Variants in CHN2 observed in about 807,000 individuals in gnomAD.
CHN2 encodes beta-chimaerin.
In CHN2, 35 loss-of-function variants were observed where a neutral mutation model predicts 56.3. That is an observed-to-expected ratio of 0.62 (90% CI 0.47 to 0.82). The LOEUF is 0.82. CHN2 is among the 40% of genes least tolerant of loss of function. The probability of loss-of-function intolerance (pLI) is 0.00; values close to 1 mark genes in which losing one functional copy is unlikely to be tolerated. For synonymous variants in CHN2, 210 were observed against 212.8 expected, an observed-to-expected ratio of 0.99 and a Z score of 0.12; for missense variants, 491 against 580.5, an observed-to-expected ratio of 0.85 and a Z score of 1.58.
intron 7 of CHN2, among the ~76,000 whole-genome samples, chr7:29,481,192 G>A (rs1787181630): frequency 6.6e-6 from 1 of 152,214 alleles, no homozygotes; most frequent in Admixed American, 6.5e-5. Context: ...ACCCCAAAAA[G>A]TGAGCTGGCA....
intron 7 of CHN2, among the ~76,000 whole-genome samples, chr7:29,489,173 TTTGCAAAGTAGCCA>T (rs2128557302): frequency 6.6e-6 from 1 of 152,336 alleles, no homozygotes; most frequent in South Asian, 2.1e-4. Flanking sequence ...TGCTCTTGTT[TTTGCAAAGTAGCCA>T]TTCCTGGGCC....
chr7:29,301,527 C>G (rs1793662233), intron 1 of CHN2, among the ~76,000 whole-genome samples: 1 of 152,140 alleles, frequency 6.6e-6, no homozygotes, highest in African/African-American at 2.4e-5. Context: ...TGCCTCTTAT[C>G]CTTTTCTGAA....
chr7:29,479,955 A>G, intron 6 of CHN2: 1 of 1,449,866 alleles, frequency 6.9e-7, no homozygotes, highest in Admixed American at 2.7e-5. Flanking sequence ...CATCACTCAA[A>G]CTGGGCCTTT....
At chr7:29,232,237 G>C (rs1388291158) in intron 1 of CHN2, among the ~76,000 whole-genome samples, 2 of 152,138 alleles carry the variant, frequency 1.3e-5, no homozygotes, top group African/African-American at 2.4e-5. Flanking sequence ...GTCAGAATTA[G>C]AGTGAAATGA....
chr7:29,266,263 C>A (rs1297669812), intron 1 of CHN2, among the ~76,000 whole-genome samples: 1 of 152,212 alleles, frequency 6.6e-6, no homozygotes, highest in East Asian at 1.9e-4. Context: ...ATACTTCTTT[C>A]TTCTGTAACT....
In CHN2 at chr7:29,428,811, A is replaced by C. The variant is rs148371967; in HGVS notation, c.576+27983A>C. 2.8e-3 allele frequency among the ~76,000 whole-genome samples: 434 copies of C among 152,300 alleles called. 3 individuals carry two copies. Among genetic ancestry groups the C allele is most frequent in the African/African-American group, 9.9e-3 (410 of 41,554 alleles). On this transcript the variant is annotated intron_variant, in intron 6 of 12. Transcript: ENST00000222792. ...ATTAATATTCTGAAGTTTTCTTTGT[A>C]AGTATAAACTGATGCAACCCACAGA...
At chr7:29,187,583 G>T (rs972374167) in intron 2 of CHN2, among the ~76,000 whole-genome samples, 1 of 152,006 alleles carries the variant, frequency 6.6e-6, no homozygotes, top group Admixed American at 6.6e-5. Flanking sequence ...AATTAGCTGG[G>T]TGTTGTGGTG....
At chr7:29,432,237 A>G (rs963168135) in intron 6 of CHN2, among the ~76,000 whole-genome samples, 1 of 152,070 alleles carries the variant, frequency 6.6e-6, no homozygotes, top group Non-Finnish European at 1.5e-5. Context: ...AGCTATTCCT[A>G]CGGTGAAACA....
intron 2 of CHN2, among the ~76,000 whole-genome samples, chr7:29,366,093 A>G (rs1446069537): frequency 6.6e-6 from 1 of 152,178 alleles, no homozygotes; most frequent in Non-Finnish European, 1.5e-5. Context: ...CTAGATTTGG[A>G]GGAAAAGATC....
intron 1 of CHN2, among the ~76,000 whole-genome samples, chr7:29,235,400 A>C (rs1410463235): frequency 6.6e-6 from 1 of 152,234 alleles, no homozygotes; most frequent in Admixed American, 6.5e-5. Context: ...CTTGTGAGGT[A>C]TGAAGAAAAG....
At chr7:29,202,265 G>C (rs1279975367) in intron 1 of CHN2, among the ~76,000 whole-genome samples, 3 of 152,222 alleles carry the variant, frequency 2.0e-5, no homozygotes, top group Non-Finnish European at 4.4e-5. Flanking sequence ...GCCATCAGCA[G>C]CTAGCTAGAA....
intron 7 of CHN2, among the ~76,000 whole-genome samples, chr7:29,482,818 TTTTTTTTTTTTTTTTTTTTTTG>T (rs1787452494): frequency 1.5e-5 from 1 of 68,818 alleles, no homozygotes; most frequent in Non-Finnish European, 3.0e-5. Context: ...TTTTTTTTTT[TTTTTTTTTTTTTTTTTTTTTTG>T]AGACGGAGTC....
At chr7:29,391,311 G>A (rs1473503124) in intron 3 of CHN2, among the ~76,000 whole-genome samples, 1 of 149,048 alleles carries the variant, frequency 6.7e-6, no homozygotes, top group East Asian at 2.0e-4. Context: ...AAAGGAGAGA[G>A]GGAGGGAGGT....
chr7:29,147,712 C>T (rs729777), intron 2 of CHN2, among the ~76,000 whole-genome samples: 14,534 of 152,140 alleles, frequency 0.096, 1,582 homozygotes, highest in African/African-American at 0.24. Flanking sequence ...GAAAATAATT[C>T]TTTTAAGGCC....
At chr7:29,330,804 G>C (rs1796156999) in intron 1 of CHN2, among the ~76,000 whole-genome samples, 1 of 152,186 alleles carries the variant, frequency 6.6e-6, no homozygotes, top group African/African-American at 2.4e-5. Context: ...AGAAAAAGTA[G>C]AGGCTCAGAC....
intron 1 of CHN2, among the ~76,000 whole-genome samples, chr7:29,322,249 G>A (rs1363653023): frequency 1.3e-5 from 2 of 152,208 alleles, no homozygotes; most frequent in Non-Finnish European, 2.9e-5. Context: ...TCCCTGGAAC[G>A]AAATGTGTGG....
At chr7:29,279,681 A>G (rs1051740263) in intron 1 of CHN2, among the ~76,000 whole-genome samples, 3 of 152,294 alleles carry the variant, frequency 2.0e-5, no homozygotes, top group African/African-American at 7.2e-5. Flanking sequence ...TTTTTGGGTT[A>G]GGGACCAGTG....
At chr7:29,460,620 A>G (rs1192484349) in intron 6 of CHN2, among the ~76,000 whole-genome samples, 4 of 152,216 alleles carry the variant, frequency 2.6e-5, no homozygotes, top group Non-Finnish European at 5.9e-5. Flanking sequence ...AGAGGCAAAG[A>G]TCTGAGGGGC....
At chr7:29,381,199 G>T (rs1308999828) in intron 3 of CHN2, among the ~76,000 whole-genome samples, 2 of 152,066 alleles carry the variant, frequency 1.3e-5, no homozygotes, top group Non-Finnish European at 2.9e-5. Context: ...TTGATTCTCT[G>T]GCCCTGGTTG....
Sources: allele counts gnomAD v4.1 joint callset (sites outside exome capture counted in the v4.1 genomes callset), GRCh38; gene constraint gnomAD v4.1.1; transcripts MANE v1.5; gene names NCBI Gene and HGNC (gene_info 2026-07-23, HGNC 2026-07-21).